The following PIK3R5 variants were observed in gnomAD, a reference collection of about 807,000 sequenced individuals.
The protein encoded by PIK3R5 is phosphoinositide 3-kinase regulatory subunit 5.
PIK3R5 carries 32 observed loss-of-function variants against 94.9 expected under a neutral mutation model. That is an observed-to-expected ratio of 0.34 (90% CI 0.25 to 0.45). The LOEUF (loss-of-function observed/expected upper bound fraction) is 0.45. Among genes scored for constraint, PIK3R5 ranks in the 20% least tolerant of loss-of-function variants. The pLI, the probability that PIK3R5 is intolerant of heterozygous loss-of-function variation, is 1.00. For missense variants in PIK3R5, 853 were observed against 1,144.6 expected, an observed-to-expected ratio of 0.75 and a Z score of 3.68; for synonymous variants, 443 against 479.4, an observed-to-expected ratio of 0.92 and a Z score of 0.99.
At chr17:8,920,216 G>A (rs1207549042) in intron 1 of PIK3R5, among the ~76,000 whole-genome samples, 1 of 151,954 alleles carries the variant, frequency 6.6e-6, no homozygotes, top group Non-Finnish European at 1.5e-5. Context: ...CATCTCACCT[G>A]CCCAACTCTT....
rs61759649 is a variant in PIK3R5 at position 8,892,629 on chromosome 17, G to A, written c.482+957C>T. Among the ~76,000 whole-genome samples, 1,692 of 152,220 alleles carry A rather than the reference G, an allele frequency of 0.011. 35 individuals carry two copies. Among genetic ancestry groups the A allele is most frequent in the African/African-American group, 0.039 (1,611 of 41,528 alleles). On this transcript the variant is annotated intron_variant, in intron 6 of 18. Coordinates refer to ENST00000447110, the MANE Select transcript of PIK3R5 (RefSeq NM_001142633.3). This position sits in a 1 kb window ranked among gnomAD's most constrained non-coding sequence, Gnocchi z 4.3. ...GCCCACCTGCCCCAGCTCCCCCAGA[G>A]GAATCTTATTTACTTACTAAACTAC...
Position 8,911,338 on chromosome 17 carries a change from G to T in PIK3R5, c.103+54C>A. The T allele has an allele frequency of 1.4e-6, 2 of 1,381,772 alleles. No homozygotes were observed. Among genetic ancestry groups the T allele is most frequent in the Non-Finnish European group, 1.0e-6 (1 of 984,300 alleles). The allele number at this position is 1,381,772 out of a possible 1,614,324, so 85.6% of individuals were successfully genotyped here. On this transcript the variant is annotated intron_variant, in intron 2 of 18. Transcript: ENST00000447110. The surrounding 1 kb of genome is among the most constrained non-coding windows in gnomAD (Gnocchi z 5.3). ...CATGCCTGGTCCAGTGCCCACCGTG[G>T]CCCCTGAGGCTTCCTTGAGCCCTCA...
rs115374715 is a variant in PIK3R5, at chr17:8,925,191, A to C, written c.-13-13684T>G. 0.012 allele frequency among the ~76,000 whole-genome samples: 1,879 copies of C among 151,808 alleles called. 33 individuals are homozygous for C. Among genetic ancestry groups the C allele is most frequent in the African/African-American group, 0.043 (1,761 of 41,406 alleles). On this transcript the variant is annotated intron_variant, in intron 1 of 18. Coordinates refer to ENST00000447110, the MANE Select transcript of PIK3R5 (RefSeq NM_001142633.3). This position sits in a 1 kb window ranked among gnomAD's most constrained non-coding sequence, Gnocchi z 5.1. ...TGGATAGATGGGTAGATAGATAGAC[A>C]GAAAGTAGATGGATAGATAGATAGA...
chr17:8,881,918 A>AGGGTCT lies in PIK3R5; in HGVS notation c.2206-38_2206-37insAGACCC. Reference sequence around the variant, plus strand: ...GTGTAGCCAGACCCTCTGAGTCCAGAGGCCCCGGTGCCTGCTGCCTTCTCT... The same window carrying AGGGTCT: ...GTGTAGCCAGACCCTCTGAGTCCAGAGGGTCTGGCCCCGGTGCCTGCTGCCTTCTCT... On this transcript the variant is annotated intron_variant, in intron 15 of 18. Transcript: ENST00000447110. This position sits in a 1 kb window ranked among gnomAD's most constrained non-coding sequence, Gnocchi z 4.8. The AGGGTCT allele has an allele frequency of 6.6e-7, 1 of 1,520,656 alleles. No individual in the cohort carries two copies. The highest frequency in any genetic ancestry group is 9.1e-7 in the Non-Finnish European group (1 of 1,101,972). 94.2% of individuals were successfully genotyped at this position (1,520,656 alleles called of 1,614,324 possible).
At chr17:8,921,216 A>G (rs961625314) in intron 1 of PIK3R5, among the ~76,000 whole-genome samples, 17 of 152,356 alleles carry the variant, frequency 1.1e-4, no homozygotes, top group African/African-American at 3.8e-4. Context: ...TAACTGTGAT[A>G]ACAGCAGTAT....
Position 8,892,222 on chromosome 17 carries a change from G to A in PIK3R5, c.483-1310C>T, listed in dbSNP as rs1371646093. Reference sequence around the variant, plus strand: ...GTGCCCGGGGACAGGGCAGAGACAGGACTAGTCTCTGTCAAAGTCCCCATC... The same window carrying A: ...GTGCCCGGGGACAGGGCAGAGACAGAACTAGTCTCTGTCAAAGTCCCCATC... On this transcript the variant is annotated intron_variant, in intron 6 of 18. Coordinates refer to ENST00000447110, the MANE Select transcript of PIK3R5 (RefSeq NM_001142633.3). This position sits in a 1 kb window ranked among gnomAD's most constrained non-coding sequence, Gnocchi z 4.3. 1.3e-5 allele frequency among the ~76,000 whole-genome samples: 2 copies of A among 152,126 alleles called. No individual in the cohort carries two copies. Among genetic ancestry groups the A allele is most frequent in the Non-Finnish European group, 2.9e-5 (2 of 68,028 alleles).
chr17:8,881,654 G>A lies in PIK3R5; in HGVS notation c.2358C>T (p.Ser786=). 2 of 1,613,344 alleles carry A rather than the reference G, an allele frequency of 1.2e-6. No individual in the cohort carries two copies. Among genetic ancestry groups the A allele is most frequent in the Non-Finnish European group, 1.7e-6 (2 of 1,179,630 alleles). Residue 786 remains serine (S), a synonymous_variant, in exon 17 of 19, where the codon TCC becomes TCT. Coordinates refer to ENST00000447110, the MANE Select transcript of PIK3R5 (RefSeq NM_001142633.3). The surrounding 1 kb of genome is among the most constrained non-coding windows in gnomAD (Gnocchi z 4.8). ...CCTGGTTAAAGCCCTTCTTGGATTT[G>A]GAGTTCTGCCTTTTCACCACTTCTG... ...NLTEVVKRQN[S]KSKKGFNQIS... is the part of the protein sequence containing the mutation.
At chr17:8,922,185 G>A (rs2090764550) in intron 1 of PIK3R5, among the ~76,000 whole-genome samples, 1 of 151,622 alleles carries the variant, frequency 6.6e-6, no homozygotes, top group Admixed American at 6.6e-5. Flanking sequence ...GGGAGGGAGG[G>A]AGGAAGAAAA....
At chr17:8,941,821 C>T (rs1345140509) in intron 1 of PIK3R5, among the ~76,000 whole-genome samples, 3 of 152,230 alleles carry the variant, frequency 2.0e-5, no homozygotes, top group Admixed American at 1.3e-4. Context: ...GTTCATCCTA[C>T]GGCCTCCCTC....
chr17:8,887,098 G>A lies in PIK3R5; in HGVS notation c.1903C>T (p.Gln635Ter). The A allele has an allele frequency of 6.2e-7, 1 of 1,613,976 alleles. No homozygotes were observed. The highest frequency in any genetic ancestry group is 8.5e-7 in the Non-Finnish European group (1 of 1,179,980). Residue 635 changes from glutamine (Q) to a stop codon, truncating the protein, a stop_gained and splice_region_variant, in exon 12 of 19, where the codon CAG becomes TAG. Coordinates refer to ENST00000447110, the MANE Select transcript of PIK3R5 (RefSeq NM_001142633.3). LOFTEE classifies it high-confidence loss of function. ...LMHLPPEVLC[Q>*]QSLKAEAQAL... ...TCCGCAACCACGGGGCCACTTACCT[G>A]GCACAGGACTTCAGGGGGCAGGTGC...
chr17:8,891,534 C>T (rs980865744), intron 6 of PIK3R5, among the ~76,000 whole-genome samples: 10 of 152,066 alleles, frequency 6.6e-5, no homozygotes, highest in Non-Finnish European at 1.0e-4. Flanking sequence ...CCTCCCTTCC[C>T]GATGGATACC....
At chr17:8,932,510 C>G (rs1237053328) in intron 1 of PIK3R5, among the ~76,000 whole-genome samples, 2 of 152,120 alleles carry the variant, frequency 1.3e-5, no homozygotes, top group African/African-American at 4.8e-5. Flanking sequence ...GCTGGGATTA[C>G]AGGTGTGAGC....
At chr17:8,902,914 G>T (rs920106210) in intron 5 of PIK3R5, among the ~76,000 whole-genome samples, 1 of 147,876 alleles carries the variant, frequency 6.8e-6, no homozygotes, top group Non-Finnish European at 1.5e-5. Flanking sequence ...GTGTGATCTC[G>T]GAGGCACTTG....
chr17:8,910,463 C>T (rs2090499840), intron 2 of PIK3R5, among the ~76,000 whole-genome samples: 1 of 152,226 alleles, frequency 6.6e-6, no homozygotes, highest in Non-Finnish European at 1.5e-5. Flanking sequence ...TGCTAGGCCT[C>T]TGAATACATT....
rs148497570 is a variant in PIK3R5, at chr17:8,887,619, C to T, written c.1681G>A (p.Val561Met). The T allele has an allele frequency of 7.2e-4, 1,161 of 1,610,298 alleles. 9 individuals are homozygous for T. The African/African-American group carries it at 0.014, about 19-fold the overall frequency. ...FFKLQFFYVP[V>M]KRSHGTSPGA... ...GGGCTGGTCCCATGACTTCGCTTCA[C>T]AGGCACGTAGAAGAACTGAAGTTTG... Residue 561 changes from valine (V) to methionine (M), a missense_variant, in exon 11 of 19, where the codon GTG (valine) becomes ATG (methionine). Val to Met is a conservative substitution (Grantham distance 21). This residue lies in a region of PIK3R5 where 319 missense variants were observed against 339.8 expected (regional missense o/e 0.94). Coordinates refer to ENST00000447110, the MANE Select transcript of PIK3R5 (RefSeq NM_001142633.3).
At chr17:8,931,042 A>G (rs8068682) in intron 1 of PIK3R5, among the ~76,000 whole-genome samples, 1 of 152,216 alleles carries the variant, frequency 6.6e-6, no homozygotes, top group Non-Finnish European at 1.5e-5. Context: ...AAAAGGGTAC[A>G]AAGGATCTCT....
intron 1 of PIK3R5, among the ~76,000 whole-genome samples, chr17:8,942,685 A>C (rs2091205228): frequency 7.0e-6 from 1 of 143,584 alleles, no homozygotes; most frequent in African/African-American, 2.5e-5. Flanking sequence ...TGCTCACTGC[A>C]AGCTCCGCCT....
At position 8,881,763 on chromosome 17, in the gene PIK3R5, A is replaced by AC. The variant is rs1456632660; in HGVS notation, c.2299+24dup. On this transcript the variant is annotated intron_variant, in intron 16 of 18. Transcript: ENST00000447110. The surrounding 1 kb of genome is among the most constrained non-coding windows in gnomAD (Gnocchi z 4.8). ...GGCTCAGAGCACCTCCCTACTGCAC[A>AC]CCCCACACTGACCACCCCACTCACC... The AC allele has an allele frequency of 6.2e-7, 1 of 1,612,636 alleles. No individual in the cohort carries two copies. Among genetic ancestry groups the AC allele is most frequent in the East Asian group, 2.2e-5 (1 of 44,848 alleles).
chr17:8,907,560 A>G (rs534371316), intron 3 of PIK3R5, among the ~76,000 whole-genome samples: 7 of 151,894 alleles, frequency 4.6e-5, no homozygotes, highest in Non-Finnish European at 8.8e-5. Flanking sequence ...TGCCATTTAT[A>G]CTATCTATAT....
Sources: gnomAD v4.1 joint callset for allele counts (sites outside exome capture counted in the v4.1 genomes callset) on GRCh38, gnomAD v4.1.1 for gene constraint, gnomAD v4.1.1 regional missense constraint, Gnocchi (gnomAD v3.1) non-coding constraint, MANE v1.5 for transcripts, NCBI Gene and HGNC (gene_info 2026-07-23, HGNC 2026-07-21) for gene names.